The following KCNC1 variants were observed in gnomAD, a reference collection of about 807,000 sequenced individuals.
KCNC1 encodes potassium voltage-gated channel subfamily C member 1.
A neutral mutation model predicts 43.4 loss-of-function variants in KCNC1; 8 were observed. That is an observed-to-expected ratio of 0.18 (90% CI 0.11 to 0.33). The LOEUF is 0.33. Ranked by LOEUF, KCNC1 falls within the 10% of genes least tolerant of loss-of-function variation. The pLI is 1.00. For missense variants in KCNC1, 420 were observed against 836.0 expected (o/e 0.50, Z 6.14); for synonymous variants, 361 against 360.5 (o/e 1.00, Z -0.01).
intron 1 of KCNC1, among the ~76,000 whole-genome samples, chr11:17,767,029 A>G (rs1263365484): frequency 6.7e-6 from 1 of 150,036 alleles, no homozygotes; most frequent in Middle Eastern, 3.5e-3. Flanking sequence ...GCTACTCAGG[A>G]GGCTGAGGCA....
At chr11:17,774,771 C>T in intron 2 of KCNC1, 1 of 985,472 alleles carries the variant, frequency 1.0e-6, no homozygotes, top group South Asian at 4.7e-5. Context: ...AGCTTGGATG[C>T]CTGGATCCCT....
chr11:17,777,375 G>C lies in KCNC1; in HGVS notation c.1505-2081G>C, dbSNP rs978145756. The C allele has an allele frequency of 3.0e-6, 3 of 985,744 alleles. No individual in the cohort carries two copies. Among genetic ancestry groups the C allele is most frequent in the African/African-American group, 1.7e-5 (1 of 57,198 alleles). The allele number at this position is 985,744 out of a possible 1,614,324, so 61.1% of individuals were successfully genotyped here. A position where few individuals can be genotyped will look rare whatever the true frequency, so the allele number is the denominator to read the frequency against. On this transcript the variant is annotated intron_variant, in intron 2 of 3. Coordinates refer to ENST00000265969, the MANE Select transcript of KCNC1 (RefSeq NM_001112741.2). This position sits in a 1 kb window ranked among gnomAD's most constrained non-coding sequence, Gnocchi z 4.3. Reference sequence around the variant, plus strand: ...CCTCCCAGAAGGAGACGCTGCCTGGGAGGACCCACTGTTCTCCCCTTGAGG... The same window carrying C: ...CCTCCCAGAAGGAGACGCTGCCTGGCAGGACCCACTGTTCTCCCCTTGAGG...
rs1158955893 is a variant in KCNC1 at position 17,736,486 on chromosome 11, G to A, written c.484G>A (p.Asp162Asn). 1 of 1,596,548 alleles carries A rather than the reference G, an allele frequency of 6.3e-7. No individual in the cohort carries two copies. Among genetic ancestry groups the A allele is most frequent in the Non-Finnish European group, 8.5e-7 (1 of 1,176,054 alleles). Residue 162 changes from aspartate to asparagine, a missense_variant, in exon 1 of 4, where the codon GAT becomes AAT. This residue lies in a region of KCNC1 where 151 missense variants were observed against 216.7 expected (regional missense o/e 0.70). Transcript: ENST00000265969. The surrounding 1 kb of genome is among the most constrained non-coding windows in gnomAD (Gnocchi z 9.3). The stretch of plus-strand genomic sequence containing the variant: ...GCGCCTGGCGCTCAGTGACTCCCCG[G>A]ATGGCCGGCCTGGCGGCTTTTGGCG... ...TKRLALSDSP[D>N]GRPGGFWRRW...
At chr11:17,760,078 C>CA (rs1452995298) in intron 1 of KCNC1, among the ~76,000 whole-genome samples, 3 of 151,848 alleles carry the variant, frequency 2.0e-5, no homozygotes, top group Non-Finnish European at 2.9e-5. Flanking sequence ...GTGGCTTTCC[C>CA]AAAAAAATGT....
At chr11:17,740,098 T>A (rs946102407) in intron 1 of KCNC1, among the ~76,000 whole-genome samples, 1 of 152,278 alleles carries the variant, frequency 6.6e-6, no homozygotes, top group South Asian at 2.1e-4. Context: ...TGGGCCTTGG[T>A]GCTGGCCCTG....
At chr11:17,759,780 A>G (rs1449631631) in intron 1 of KCNC1, among the ~76,000 whole-genome samples, 1 of 152,350 alleles carries the variant, frequency 6.6e-6, no homozygotes, top group South Asian at 2.1e-4. Context: ...CAATAGTAGC[A>G]TCAGAGATCA....
In KCNC1 at chr11:17,777,395, T is replaced by C. The variant is rs951318681; in HGVS notation, c.1505-2061T>C. ...CCTGGGAGGACCCACTGTTCTCCCC[T>C]TGAGGAAAATCCATGCAGGGTGCTA... On this transcript the variant is annotated intron_variant, in intron 2 of 3. Coordinates refer to ENST00000265969, the MANE Select transcript of KCNC1 (RefSeq NM_001112741.2). This position sits in a 1 kb window ranked among gnomAD's most constrained non-coding sequence, Gnocchi z 4.3. 4.8e-5 allele frequency: 47 copies of C among 985,746 alleles called. No individual in the cohort carries two copies. The highest frequency in any genetic ancestry group is 1.2e-4 in the Admixed American group (2 of 16,268). 61.1% of individuals were successfully genotyped at this position (985,746 alleles called of 1,614,324 possible).
rs1848752142 is a variant in KCNC1, at chr11:17,735,429, G to C, written c.-574G>C. The C allele has an allele frequency of 6.6e-6, 1 of 152,062 alleles. No individual in the cohort carries two copies. Among genetic ancestry groups the C allele is most frequent in the African/African-American group, 2.4e-5 (1 of 41,414 alleles). The allele number at this position is 152,062 out of a possible 1,614,324, so 9.4% of individuals were successfully genotyped here. A position where few individuals can be genotyped will look rare whatever the true frequency, so the allele number is the denominator to read the frequency against. On this transcript the variant is annotated 5_prime_UTR_variant, in exon 1 of 4. Coordinates refer to ENST00000265969, the MANE Select transcript of KCNC1 (RefSeq NM_001112741.2). This position sits in a 1 kb window ranked among gnomAD's most constrained non-coding sequence, Gnocchi z 6.7. ...GGCAGGCGGCATCCATCTCCCCCGC[G>C]CCGAGAGCGCGCCGCGGCGACCACC...
At chr11:17,778,448 G>A (rs948632386) in intron 2 of KCNC1, among the ~76,000 whole-genome samples, 7 of 152,236 alleles carry the variant, frequency 4.6e-5, no homozygotes, top group African/African-American at 1.4e-4. Context: ...CTGACCAGAG[G>A]GGACAGAGGA....
At chr11:17,743,029 G>A (rs1257423187) in intron 1 of KCNC1, among the ~76,000 whole-genome samples, 1 of 152,150 alleles carries the variant, frequency 6.6e-6, no homozygotes, top group Non-Finnish European at 1.5e-5. Context: ...GATTCCCCAA[G>A]CAGGATTTTC....
At chr11:17,763,063 G>T (rs1849096519) in intron 1 of KCNC1, among the ~76,000 whole-genome samples, 1 of 152,214 alleles carries the variant, frequency 6.6e-6, no homozygotes, top group Non-Finnish European at 1.5e-5. Flanking sequence ...GGATGGGCCA[G>T]CCCAGCTGTT....
At position 17,735,253 on chromosome 11, in the gene KCNC1, ATC is replaced by A. The variant is rs1848750056; in HGVS notation, c.-747_-746del. 1 of 151,580 alleles carries A rather than the reference ATC, an allele frequency of 6.6e-6. No individual in the cohort carries two copies. Among genetic ancestry groups the A allele is most frequent in the Non-Finnish European group, 1.5e-5 (1 of 67,830 alleles). 9.4% of individuals were successfully genotyped at this position (151,580 alleles called of 1,614,324 possible). On this transcript the variant is annotated 5_prime_UTR_variant, in exon 1 of 4. Coordinates refer to ENST00000265969, the MANE Select transcript of KCNC1 (RefSeq NM_001112741.2). This position sits in a 1 kb window ranked among gnomAD's most constrained non-coding sequence, Gnocchi z 6.7. Reference sequence around the variant, plus strand: ...GGTGCCCCTGCCCAGGGGGCCCGCCATCTCCTCCAGGAGGCGGGGAGAAGGAA... The same window carrying A: ...GGTGCCCCTGCCCAGGGGGCCCGCCATCCTCCAGGAGGCGGGGAGAAGGAA...
chr11:17,774,011 A>G (rs1590107490), intron 2 of KCNC1: 1 of 985,190 alleles, frequency 1.0e-6, no homozygotes, highest in East Asian at 1.1e-4. Flanking sequence ...CTGACCCACC[A>G]CCCCATCCCA....
intron 1 of KCNC1, among the ~76,000 whole-genome samples, chr11:17,768,947 A>G (rs1849190364): frequency 6.6e-6 from 1 of 152,208 alleles, no homozygotes. Context: ...CTGGTGATGG[A>G]GAGAGCTCTG....
intron 2 of KCNC1, chr11:17,775,960 C>T (rs112404717): frequency 3.0e-6 from 3 of 985,262 alleles, no homozygotes; most frequent in African/African-American, 3.5e-5. Flanking sequence ...CAGTGGCTGC[C>T]CAGTGAGTGG....
chr11:17,750,934 C>A (rs1432452229), intron 1 of KCNC1, among the ~76,000 whole-genome samples: 1 of 152,194 alleles, frequency 6.6e-6, no homozygotes, highest in Non-Finnish European at 1.5e-5. Context: ...CTCTCAGACT[C>A]AACCACAACC....
intron 2 of KCNC1, chr11:17,775,522 C>T (rs1454741561): frequency 3.0e-6 from 3 of 985,370 alleles, no homozygotes; most frequent in Non-Finnish European, 2.4e-6. Flanking sequence ...GGCGCCCTGG[C>T]ACAGCCAGGG....
Position 17,777,901 on chromosome 11 carries a change from T to C in KCNC1, c.1505-1555T>C. 1.1e-6 allele frequency: 1 copy of C among 951,678 alleles called. No homozygotes were observed. The highest frequency in any genetic ancestry group is 1.3e-6 in the Non-Finnish European group (1 of 798,558). The allele number at this position is 951,678 out of a possible 1,614,324, so 59.0% of individuals were successfully genotyped here. A position where few individuals can be genotyped will look rare whatever the true frequency, so the allele number is the denominator to read the frequency against. On this transcript the variant is annotated intron_variant, in intron 2 of 3. Coordinates refer to ENST00000265969, the MANE Select transcript of KCNC1 (RefSeq NM_001112741.2). The surrounding 1 kb of genome is among the most constrained non-coding windows in gnomAD (Gnocchi z 4.3). ...CCCACCCACGTGCACGCCCAGCGTG[T>C]GCACGTGGGGAAGGATCACTTCTGC...
chr11:17,734,848 G>C lies in KCNC1; in HGVS notation c.-1155G>C, dbSNP rs975586135. 3.4e-3 allele frequency: 516 copies of C among 149,692 alleles called. 1 individual carries two copies. Among genetic ancestry groups the C allele is most frequent in the Admixed American group, 5.7e-3 (86 of 15,048 alleles). The allele number at this position is 149,692 out of a possible 1,614,324, so 9.3% of individuals were successfully genotyped here. ...CAGCAGCCCGGGCGGCAGCAGCGTC[G>C]CGGCGGCGGCGGCAGCGGCCGCTCC... On this transcript the variant is annotated 5_prime_UTR_variant, in exon 1 of 4. Transcript: ENST00000265969.
Sources: allele counts gnomAD v4.1 joint callset (sites outside exome capture counted in the v4.1 genomes callset), GRCh38; gene constraint gnomAD v4.1.1; regional missense constraint gnomAD v4.1.1; non-coding constraint Gnocchi (gnomAD v3.1); transcripts MANE v1.5; gene names NCBI Gene and HGNC (gene_info 2026-07-23, HGNC 2026-07-21).